WDR93: variants seen among roughly 807,000 people sequenced by gnomAD.
The protein encoded by WDR93 is WD repeat-containing protein 93.
A neutral mutation model predicts 82.9 loss-of-function variants in WDR93; 73 were observed. The observed-to-expected ratio is 0.88, with a 90% confidence interval of 0.73 to 1.07. WDR93 has a LOEUF of 1.07. WDR93 is among the 50% of genes least tolerant of loss of function. The pLI, the probability that WDR93 is intolerant of heterozygous loss-of-function variation, is 0.00. For missense variants in WDR93, 738 were observed against 826.0 expected (o/e 0.89, Z 1.31); for synonymous variants, 283 against 300.1 (o/e 0.94, Z 0.59).
intron 4 of WDR93, among the ~76,000 whole-genome samples, chr15:89,706,321 T>C (rs1965725896): frequency 1.3e-5 from 2 of 152,114 alleles, no homozygotes; most frequent in African/African-American, 2.4e-5. Context: ...AGTAAGGTTT[T>C]TTTTTTTTTC....
intron 1 of WDR93, among the ~76,000 whole-genome samples, chr15:89,696,496 G>A (rs76538732): frequency 7.7e-6 from 1 of 130,304 alleles, no homozygotes; most frequent in East Asian, 2.1e-4. Context: ...TGGTGGTGGT[G>A]GTGGTTGTTT....
intron 4 of WDR93, among the ~76,000 whole-genome samples, chr15:89,709,724 T>C (rs1965876650): frequency 6.6e-6 from 1 of 152,052 alleles, no homozygotes; most frequent in Non-Finnish European, 1.5e-5. Context: ...AGTGCTGAGA[T>C]TACAGGTGAG....
In WDR93 at chr15:89,733,181, C is replaced by T. The variant is rs764462390; in HGVS notation, c.1506C>T (p.Ser502=). The T allele has an allele frequency of 9.9e-6, 16 of 1,613,874 alleles. No homozygotes were observed. In the Middle Eastern group the frequency reaches 6.6e-4, roughly 66 times the overall value. ...TDASLHLVEA[S]GTQGPTISVL... is the part of the protein sequence containing the mutation. ...CCTCCCTCCATCTGGTGGAGGCTAG[C>T]GGGACCCAAGGACCCACCATCAGTG... Residue 502 remains serine, a synonymous_variant, in exon 13 of 17, where the codon AGC becomes AGT. Coordinates refer to ENST00000268130, the MANE Select transcript of WDR93 (RefSeq NM_020212.2).
intron 7 of WDR93, 59 bp downstream of exon 7, chr15:89,717,008 T>A (rs187204812): frequency 2.4e-4 from 244 of 1,018,602 alleles, no homozygotes; most frequent in Middle Eastern, 2.0e-3. Context: ...AGAGATTTTT[T>A]AAAAATTATT....
At chr15:89,707,868 T>TTTGGTTTCC (rs1233589239) in intron 4 of WDR93, among the ~76,000 whole-genome samples, 2 of 152,190 alleles carry the variant, frequency 1.3e-5, no homozygotes, top group African/African-American at 4.8e-5. Context: ...TTATTTGTAA[T>TTTGGTTTCC]AGCCAAAAAC....
At chr15:89,727,716 T>A (rs1446225230) in intron 9 of WDR93, among the ~76,000 whole-genome samples, 1 of 152,206 alleles carries the variant, frequency 6.6e-6, no homozygotes, top group African/African-American at 2.4e-5. Context: ...ATGAGAAATA[T>A]AATTTATTTC....
intron 1 of WDR93, among the ~76,000 whole-genome samples, chr15:89,694,212 A>G (rs1163232524): frequency 2.1e-5 from 3 of 144,670 alleles, no homozygotes; most frequent in Non-Finnish European, 4.6e-5. Flanking sequence ...ATCTGTACAA[A>G]TTTTTTGCAC....
chr15:89,719,185 T>G (rs1966405541), intron 7 of WDR93, among the ~76,000 whole-genome samples: 2 of 152,256 alleles, frequency 1.3e-5, no homozygotes, highest in South Asian at 4.1e-4. Context: ...CCTCCTGGGC[T>G]CAAGCAGTCC....
At chr15:89,741,304 C>T (rs1967654474) in intron 16 of WDR93, among the ~76,000 whole-genome samples, 1 of 152,132 alleles carries the variant, frequency 6.6e-6, no homozygotes, top group African/African-American at 2.4e-5. Flanking sequence ...AATCACAGCT[C>T]ACTGCAGCCT....
intron 7 of WDR93, among the ~76,000 whole-genome samples, chr15:89,719,433 G>C (rs1966419858): frequency 6.6e-6 from 1 of 152,160 alleles, no homozygotes; most frequent in East Asian, 1.9e-4. Context: ...TCTTGAGCAA[G>C]CTTTTGTACC....
At chr15:89,725,549 T>TC (rs1313952519) in intron 8 of WDR93, among the ~76,000 whole-genome samples, 7 of 148,960 alleles carry the variant, frequency 4.7e-5, no homozygotes, top group Admixed American at 3.4e-4. Flanking sequence ...TCTATTTCTT[T>TC]TTTTTTTTCT....
chr15:89,713,829 A>AGC (rs1966117218), intron 5 of WDR93, among the ~76,000 whole-genome samples: 1 of 152,132 alleles, frequency 6.6e-6, no homozygotes, highest in Admixed American at 6.5e-5. Context: ...CACCATCTGT[A>AGC]TTGGTTTCCT....
At chr15:89,741,137 CT>C (rs769969556) in intron 16 of WDR93, among the ~76,000 whole-genome samples, 6 of 141,396 alleles carry the variant, frequency 4.2e-5, no homozygotes, top group Non-Finnish European at 9.3e-5. Context: ...AAGAATCTGT[CT>C]CAAAAAAAAT....
At chr15:89,733,347 G>A (rs767069982) in intron 13 of WDR93, 128 bp downstream of exon 13, 79 of 853,118 alleles carry the variant, frequency 9.3e-5, no homozygotes, top group Non-Finnish European at 1.4e-4. Context: ...CTCCTGGTGA[G>A]CTTCTGAAGA....
chr15:89,740,817 G>T (rs1252445429), intron 16 of WDR93, among the ~76,000 whole-genome samples: 2 of 151,990 alleles, frequency 1.3e-5, no homozygotes, highest in Admixed American at 1.3e-4. Context: ...TTATTTAAAA[G>T]CTGCAAATGT....
At chr15:89,705,531 T>G (rs1186135927) in intron 3 of WDR93, 23 bp from the exon 4 acceptor site, 1 of 1,359,378 alleles carries the variant, frequency 7.4e-7, no homozygotes. Flanking sequence ...GTCTTAACAT[T>G]CTCACTTATT....
In WDR93 at chr15:89,727,177, CT is replaced by C. The variant is rs1174245239; in HGVS notation, c.902del (p.Leu301ArgfsTer41). On this transcript the variant is annotated frameshift_variant, in exon 9 of 17. Coordinates refer to ENST00000268130, the MANE Select transcript of WDR93 (RefSeq NM_020212.2). LOFTEE classifies it high-confidence loss of function. ...CCTAGGCACCACATTCAAAAGCCCC[CT>C]GGAAGTCTTTGCAAAGATCAAGGAC... ...PVTGTTFKSP[L>X]EVFAKIKDCY... 3.1e-6 allele frequency: 5 copies of C among 1,613,700 alleles called. No homozygotes were observed. The South Asian group carries it at 4.4e-5, about 14-fold the overall frequency.
intron 1 of WDR93, among the ~76,000 whole-genome samples, chr15:89,696,071 C>T (rs1050997683): frequency 6.5e-4 from 99 of 152,090 alleles, no homozygotes; most frequent in African/African-American, 4.8e-5. Flanking sequence ...CCCGCCTTGG[C>T]CCCCCAAAGT....
chr15:89,729,612 C>T (rs1966842810), intron 10 of WDR93, 71 bp from the exon 11 acceptor site: 8 of 1,243,848 alleles, frequency 6.4e-6, no homozygotes, highest in Non-Finnish European at 8.2e-6. Flanking sequence ...ACCTTCTGTG[C>T]AAACCAAAGG....
Sources: gnomAD v4.1 joint callset for allele counts (sites outside exome capture counted in the v4.1 genomes callset) on GRCh38, gnomAD v4.1.1 for gene constraint, MANE v1.5 for transcripts, NCBI Gene and HGNC (gene_info 2026-07-23, HGNC 2026-07-21) for gene names.